Variants in PALLD observed in about 807,000 individuals in gnomAD.
PALLD encodes the protein palladin, cytoskeletal associated protein, also known as palladin.
In PALLD, 61 loss-of-function variants were observed where a neutral mutation model predicts 123.5. That is an observed-to-expected ratio of 0.49 (90% CI 0.40 to 0.61). The LOEUF (loss-of-function observed/expected upper bound fraction) is 0.61. Ranked by LOEUF, PALLD falls within the 20% of genes least tolerant of loss-of-function variation. The pLI, the probability that PALLD is intolerant of heterozygous loss-of-function variation, is 0.00. For synonymous variants in PALLD, 465 were observed against 496.4 expected, an observed-to-expected ratio of 0.94 and a Z score of 0.84; for missense variants, 1,273 against 1,377.0, an observed-to-expected ratio of 0.92 and a Z score of 1.20.
intron 10 of PALLD, among the ~76,000 whole-genome samples, chr4:168,796,083 G>A (rs182210587): frequency 7.2e-5 from 11 of 152,188 alleles, no homozygotes; most frequent in African/African-American, 2.4e-4. Flanking sequence ...ATTTTTAAAT[G>A]TACAATTAAG....
chr4:168,800,394 G>T (rs115747131), intron 10 of PALLD, among the ~76,000 whole-genome samples: 115 of 152,084 alleles, frequency 7.6e-4, no homozygotes, highest in African/African-American at 2.7e-3. Flanking sequence ...AATAAATAAA[G>T]AACTCGTACA....
At chr4:168,767,675 G>T (rs1245794857) in intron 10 of PALLD, among the ~76,000 whole-genome samples, 1 of 151,720 alleles carries the variant, frequency 6.6e-6, no homozygotes. Flanking sequence ...AGCCTCCCAA[G>T]TAGCTGGGAT....
chr4:168,680,201 T>C (rs1043388839), intron 3 of PALLD, among the ~76,000 whole-genome samples: 3 of 151,806 alleles, frequency 2.0e-5, no homozygotes, highest in Admixed American at 6.6e-5. Flanking sequence ...ATCCAGGCCA[T>C]GTGCGGTGGC....
chr4:168,898,757 G>A, intron 14 of PALLD, 43 bp downstream of exon 14: 1 of 1,331,686 alleles, frequency 7.5e-7, no homozygotes, highest in Non-Finnish European at 1.1e-6. Context: ...ATTCTCTGAG[G>A]AAAGGTTTAG....
intron 10 of PALLD, among the ~76,000 whole-genome samples, chr4:168,736,988 A>G (rs1271621448): frequency 6.6e-6 from 1 of 152,204 alleles, no homozygotes; most frequent in Non-Finnish European, 1.5e-5. Context: ...AAGAAGATTT[A>G]TATGTGTGTG....
chr4:168,705,973 T>G (rs1784189520), intron 8 of PALLD, among the ~76,000 whole-genome samples: 1 of 152,258 alleles, frequency 6.6e-6, no homozygotes, highest in South Asian at 2.1e-4. Flanking sequence ...GAATACTTAA[T>G]ATAGATTTCA....
At chr4:168,881,534 C>T (rs73864659) in intron 10 of PALLD, among the ~76,000 whole-genome samples, 194 of 144,700 alleles carry the variant, frequency 1.3e-3, no homozygotes, top group African/African-American at 4.5e-3. Context: ...AGGTTGACTG[C>T]GGTCTGGGGA....
rs34216824 is a variant in PALLD at position 168,816,389 on chromosome 4, GTATA to G, written c.1965-74511_1965-74508del. On this transcript the variant is annotated intron_variant, in intron 10 of 21. Transcript: ENST00000505667. The stretch of plus-strand genomic sequence containing the variant: ...AGACCTATGTTATATGTGTATGTGT[GTATA>G]TATATATATATATATATATATTTTT... Among the ~76,000 whole-genome samples, 115 of 139,024 alleles carry G rather than the reference GTATA, an allele frequency of 8.3e-4. 1 individual carries two copies. Among genetic ancestry groups the G allele is most frequent in the Middle Eastern group, 7.5e-3 (2 of 266 alleles). 91.2% of individuals were successfully genotyped at this position (139,024 alleles called of 152,430 possible). A position where few individuals can be genotyped will look rare whatever the true frequency, so the allele number is the denominator to read the frequency against.
intron 10 of PALLD, chr4:168,863,942 C>T (rs1000286302): frequency 6.6e-5 from 10 of 152,164 alleles, no homozygotes; most frequent in South Asian, 4.1e-4. Flanking sequence ...CTTTTCTTTA[C>T]GGGTGGCCAC....
At chr4:168,807,509 G>A (rs749928744) in intron 10 of PALLD, among the ~76,000 whole-genome samples, 6 of 151,716 alleles carry the variant, frequency 4.0e-5, no homozygotes, top group African/African-American at 7.3e-5. Context: ...TCGTGGGTTC[G>A]TGCGATTCTA....
intron 2 of PALLD, among the ~76,000 whole-genome samples, chr4:168,514,766 GAAGTATACTAC>G (rs1177590556): frequency 7.2e-5 from 11 of 152,202 alleles, no homozygotes; most frequent in African/African-American, 2.6e-4. Context: ...AATAACCCTT[GAAGTATACTAC>G]AACCTTTAAA....
intron 10 of PALLD, chr4:168,843,862 G>T (rs886529998): frequency 2.0e-5 from 3 of 152,116 alleles, no homozygotes; most frequent in Admixed American, 6.5e-5. Flanking sequence ...ACAACGTTAC[G>T]GAAATTGAAC....
At chr4:168,827,975 A>C (rs1012101047) in intron 10 of PALLD, among the ~76,000 whole-genome samples, 1 of 152,218 alleles carries the variant, frequency 6.6e-6, no homozygotes, top group Non-Finnish European at 1.5e-5. Flanking sequence ...CGGGAGGCGG[A>C]GGTTGCAGTG....
intron 10 of PALLD, among the ~76,000 whole-genome samples, chr4:168,809,401 A>G (rs902929343): frequency 6.6e-6 from 1 of 151,840 alleles, no homozygotes; most frequent in Non-Finnish European, 1.5e-5. Context: ...CAATGGTTGG[A>G]AAGATATTTC....
At chr4:168,515,070 C>T (rs1167906495) in intron 2 of PALLD, among the ~76,000 whole-genome samples, 2 of 152,164 alleles carry the variant, frequency 1.3e-5, no homozygotes, top group Non-Finnish European at 2.9e-5. Flanking sequence ...TGAAAGTTAG[C>T]TGGTCATGTT....
chr4:168,798,054 A>C (rs898851595), intron 10 of PALLD, among the ~76,000 whole-genome samples: 1 of 152,164 alleles, frequency 6.6e-6, no homozygotes, highest in Non-Finnish European at 1.5e-5. Context: ...TTTTATGAAA[A>C]GTCTGCCCAG....
intron 10 of PALLD, among the ~76,000 whole-genome samples, chr4:168,858,614 C>T (rs768440432): frequency 6.6e-6 from 1 of 152,052 alleles, no homozygotes; most frequent in Non-Finnish European, 1.5e-5. Context: ...GAGACCCCAT[C>T]TCTACAAAAG....
intron 2 of PALLD, among the ~76,000 whole-genome samples, chr4:168,561,406 C>T (rs956759527): frequency 6.6e-6 from 1 of 152,156 alleles, no homozygotes; most frequent in East Asian, 1.9e-4. Context: ...GGACTACAGG[C>T]TACTACAGAG....
chr4:168,803,177 G>C (rs982663559), intron 10 of PALLD, among the ~76,000 whole-genome samples: 1 of 152,166 alleles, frequency 6.6e-6, no homozygotes, highest in Non-Finnish European at 1.5e-5. Context: ...CAGTTCCACA[G>C]GCTGTACAGG....
Sources: allele counts gnomAD v4.1 joint callset (sites outside exome capture counted in the v4.1 genomes callset), GRCh38; gene constraint gnomAD v4.1.1; transcripts MANE v1.5; gene names NCBI Gene and HGNC (gene_info 2026-07-23, HGNC 2026-07-21).